The following CELSR1 variants were observed in gnomAD, a reference collection of about 807,000 sequenced individuals.
CELSR1 encodes adhesion G protein-coupled receptor C1.
CELSR1 carries 110 observed loss-of-function variants against 249.1 expected under a neutral mutation model. That is an observed-to-expected ratio of 0.44 (90% CI 0.38 to 0.52). The LOEUF (loss-of-function observed/expected upper bound fraction) is 0.52. Ranked by LOEUF, CELSR1 falls within the 20% of genes least tolerant of loss-of-function variation. The pLI is 0.00. For synonymous variants in CELSR1, 2,113 were observed against 1,900.0 expected (o/e 1.11, Z -2.92); for missense variants, 4,109 against 4,296.4 (o/e 0.96, Z 1.22).
rs554764945 is a variant in CELSR1, at chr22:46,374,879, G to A, written c.7585-1822C>T. 2.0e-5 allele frequency among the ~76,000 whole-genome samples: 3 copies of A among 152,198 alleles called. No individual in the cohort carries two copies. The highest frequency in any genetic ancestry group is 4.4e-5 in the Non-Finnish European group (3 of 68,030). Reference sequence around the variant, plus strand: ...CCCTGCCATATGGGCCCCGCACACGGAGCCCCCGCCAGCCCGGGGCCTCGG... The same window carrying A: ...CCCTGCCATATGGGCCCCGCACACGAAGCCCCCGCCAGCCCGGGGCCTCGG... On this transcript the variant is annotated intron_variant, in intron 24 of 34. Transcript: ENST00000674500. The surrounding 1 kb of genome is among the most constrained non-coding windows in gnomAD (Gnocchi z 4.3).
At chr22:46,501,144 C>G (rs2080462262) in intron 1 of CELSR1, among the ~76,000 whole-genome samples, 1 of 151,528 alleles carries the variant, frequency 6.6e-6, no homozygotes. Context: ...AGCAATTCTC[C>G]TGCCTCAGCC....
chr22:46,375,307 C>T (rs1214992696), intron 24 of CELSR1, among the ~76,000 whole-genome samples: 1 of 152,170 alleles, frequency 6.6e-6, no homozygotes, highest in Admixed American at 6.5e-5. Flanking sequence ...CCATCTCACC[C>T]AGACCCTGCC....
rs2080750749 is a variant in CELSR1 at position 46,527,560 on chromosome 22, T to C, written c.3544+6067A>G. On this transcript the variant is annotated intron_variant, in intron 1 of 34. Coordinates refer to ENST00000674500, the MANE Select transcript of CELSR1 (RefSeq NM_001378328.1). This position sits in a 1 kb window ranked among gnomAD's most constrained non-coding sequence, Gnocchi z 5.5. ...GCCCCCTTGCTCATCGGATGGTCCATCTCCACCCAGCCGCAGAAGTCAGGA... is the reference window on the plus strand; with the variant it reads ...GCCCCCTTGCTCATCGGATGGTCCACCTCCACCCAGCCGCAGAAGTCAGGA... Among the ~76,000 whole-genome samples the C allele has an allele frequency of 6.6e-6, 1 of 152,138 alleles. No individual in the cohort carries two copies. Among genetic ancestry groups the C allele is most frequent in the Non-Finnish European group, 1.5e-5 (1 of 68,022 alleles).
chr22:46,472,474 A>C lies in CELSR1; in HGVS notation c.3545-8129T>G, dbSNP rs1197886712. Reference sequence around the variant, plus strand: ...TGATTGGCGGCTGTGGGTGAAGAGCAGCGCAGCTGATGCTGGACGGCCCCG... The same window carrying C: ...TGATTGGCGGCTGTGGGTGAAGAGCCGCGCAGCTGATGCTGGACGGCCCCG... On this transcript the variant is annotated intron_variant, in intron 1 of 34. Coordinates refer to ENST00000674500, the MANE Select transcript of CELSR1 (RefSeq NM_001378328.1). This position sits in a 1 kb window ranked among gnomAD's most constrained non-coding sequence, Gnocchi z 7.0. Among the ~76,000 whole-genome samples, 1 of 152,094 alleles carries C rather than the reference A, an allele frequency of 6.6e-6. No individual in the cohort carries two copies. Among genetic ancestry groups the C allele is most frequent in the East Asian group, 1.9e-4 (1 of 5,176 alleles).
chr22:46,455,298 C>T (rs955509391), intron 2 of CELSR1, among the ~76,000 whole-genome samples: 1 of 152,280 alleles, frequency 6.6e-6, no homozygotes, highest in Non-Finnish European at 1.5e-5. Flanking sequence ...GGCGCCATCT[C>T]GGCTCACTGT....
At chr22:46,387,911 C>T (rs1271754105) in intron 18 of CELSR1, among the ~76,000 whole-genome samples, 3 of 152,198 alleles carry the variant, frequency 2.0e-5, no homozygotes, top group Admixed American at 6.5e-5. Context: ...ACCTGGGCTG[C>T]GCAGAGGTCC....
intron 3 of CELSR1, among the ~76,000 whole-genome samples, chr22:46,438,025 G>C (rs1351920068): frequency 6.6e-6 from 1 of 152,130 alleles, no homozygotes; most frequent in Non-Finnish European, 1.5e-5. Context: ...GGGGCTGGTG[G>C]GCGGTGTCAG....
intron 1 of CELSR1, among the ~76,000 whole-genome samples, chr22:46,520,312 T>TC (rs1242685510): frequency 6.6e-6 from 1 of 152,144 alleles, no homozygotes; most frequent in Admixed American, 6.5e-5. Flanking sequence ...CGTTCAGTGC[T>TC]CAAGCTCTCA....
chr22:46,415,071 C>A (rs140105251), intron 5 of CELSR1, among the ~76,000 whole-genome samples: 2 of 152,360 alleles, frequency 1.3e-5, no homozygotes, highest in African/African-American at 4.8e-5. Flanking sequence ...AGGACAGGCA[C>A]ATCCACAGAC....
Position 46,434,791 on chromosome 22 carries a change from G to A in CELSR1, c.4523-1310C>T, listed in dbSNP as rs1305797821. Among the ~76,000 whole-genome samples the A allele has an allele frequency of 1.3e-5, 2 of 152,176 alleles. No homozygotes were observed. The highest frequency in any genetic ancestry group is 2.9e-5 in the Non-Finnish European group (2 of 68,028). ...GTGGGCGGATCACTTGAGGTCAGGA[G>A]TTCAAGACCAGCCTGGCCAACACAG... On this transcript the variant is annotated intron_variant, in intron 4 of 34. Coordinates refer to ENST00000674500, the MANE Select transcript of CELSR1 (RefSeq NM_001378328.1). This position sits in a 1 kb window ranked among gnomAD's most constrained non-coding sequence, Gnocchi z 4.9.
rs117885769 is a variant in CELSR1 at position 46,507,629 on chromosome 22, C to T, written c.3544+25998G>A. Among the ~76,000 whole-genome samples the T allele has an allele frequency of 2.3e-4, 35 of 152,252 alleles. No homozygotes were observed. The South Asian group carries it at 6.2e-3, about 27-fold the overall frequency. ...TCAGTGCAGGGGCCCCGCTGTGACC[C>T]GCCTCCTCCTCCTGCCTCGCCCGCA... On this transcript the variant is annotated intron_variant, in intron 1 of 34. Coordinates refer to ENST00000674500, the MANE Select transcript of CELSR1 (RefSeq NM_001378328.1).
intron 5 of CELSR1, among the ~76,000 whole-genome samples, chr22:46,425,289 G>A (rs964212495): frequency 6.6e-6 from 1 of 152,204 alleles, no homozygotes; most frequent in East Asian, 1.9e-4. Flanking sequence ...TCTGGTATTG[G>A]AATGAGGGTA....
Position 46,367,734 on chromosome 22 carries a change from A to T in CELSR1, c.8074T>A (p.Leu2692Ile). ...GCAACTCGGCCGTCACCTACCTGTA[A>T]GCCGCTGAAGATGGCGAAGAGGTAG... ...FHYLFAIFSG[L>I]QGPFVLLFHC... The change falls in exon 28 of 35, where the codon TTA becomes ATA. Residue 2692 changes from leucine (L) to isoleucine (I), a missense_variant. Leu to Ile is a conservative substitution (Grantham distance 5, BLOSUM62 2). Around this residue, in one of 7 missense-constraint regions of CELSR1, gnomAD observed 1,805 missense variants for 1,831.6 expected, o/e 0.99. Coordinates refer to ENST00000674500, the MANE Select transcript of CELSR1 (RefSeq NM_001378328.1). The T allele has an allele frequency of 6.3e-7, 1 of 1,598,214 alleles. No individual in the cohort carries two copies. The highest frequency in any genetic ancestry group is 1.7e-4 in the Middle Eastern group (1 of 5,970).
At chr22:46,371,575 CCCAT>C (rs1202243566) in intron 25 of CELSR1, among the ~76,000 whole-genome samples, 3 of 151,992 alleles carry the variant, frequency 2.0e-5, no homozygotes, top group Non-Finnish European at 1.5e-5. Context: ...ACTGCACCCA[CCCAT>C]CCATTTACTC....
rs1376120836 is a variant in CELSR1 at position 46,447,990 on chromosome 22, G to A, written c.4184-8579C>T. On this transcript the variant is annotated intron_variant, in intron 2 of 34. Transcript: ENST00000674500. This position sits in a 1 kb window ranked among gnomAD's most constrained non-coding sequence, Gnocchi z 4.7. ...GCCCATCCAGCCCTCATGGCCTCAT[G>A]CACCTGCCCCGCCACTGGGGACCTG... Among the ~76,000 whole-genome samples the A allele has an allele frequency of 6.6e-6, 1 of 152,190 alleles. No homozygotes were observed. Among genetic ancestry groups the A allele is most frequent in the Admixed American group, 6.5e-5 (1 of 15,286 alleles).
chr22:46,493,436 C>T (rs904828410), intron 1 of CELSR1, among the ~76,000 whole-genome samples: 2 of 151,424 alleles, frequency 1.3e-5, no homozygotes, highest in Non-Finnish European at 2.9e-5. Flanking sequence ...ATCCCAGCTA[C>T]TTGGGAGGCT....
chr22:46,394,105 AAC>A (rs748635107), intron 14 of CELSR1, 35 bp downstream of exon 14: 19 of 1,600,616 alleles, frequency 1.2e-5, no homozygotes, highest in South Asian at 6.7e-5. Flanking sequence ...TGTGTGAGCA[AAC>A]ACAGCATGCA....
At position 46,394,196 on chromosome 22, in the gene CELSR1, G is replaced by A. The variant is rs145790080; in HGVS notation, c.5910C>T (p.Val1970=). 4.8e-5 allele frequency: 78 copies of A among 1,614,104 alleles called. 1 individual carries two copies. The African/African-American group carries it at 9.3e-4, about 19-fold the overall frequency. Residue 1970 remains valine (V), a synonymous_variant, in exon 14 of 35, where the codon GTC becomes GTT. Coordinates refer to ENST00000674500, the MANE Select transcript of CELSR1 (RefSeq NM_001378328.1). ...TACAGTCGGGATCAAAGCCTTTGCTGACGGCACAGTGGCAGGGTCCACAGA... is the reference window on the plus strand; with the variant it reads ...TACAGTCGGGATCAAAGCCTTTGCTAACGGCACAGTGGCAGGGTCCACAGA... ...NPVCGPCHCA[V]SKGFDPDCNK... is the part of the protein sequence containing the mutation.
intron 1 of CELSR1, among the ~76,000 whole-genome samples, chr22:46,470,117 C>T (rs1370838327): frequency 7.3e-6 from 1 of 136,570 alleles, no homozygotes; most frequent in African/African-American, 2.7e-5. Context: ...GCCTGTTTGA[C>T]TTTTTTTTTT....
Sources: gnomAD v4.1 joint callset for allele counts (sites outside exome capture counted in the v4.1 genomes callset) on GRCh38, gnomAD v4.1.1 for gene constraint, gnomAD v4.1.1 regional missense constraint, Gnocchi (gnomAD v3.1) non-coding constraint, MANE v1.5 for transcripts, NCBI Gene and HGNC (gene_info 2026-07-23, HGNC 2026-07-21) for gene names.